ZSWIM5: variants seen among roughly 807,000 people sequenced by gnomAD.
ZSWIM5 encodes zinc finger SWIM domain-containing protein 5.
Under a neutral mutation model 119.6 loss-of-function variants are expected in ZSWIM5, and 55 were observed. The ratio of observed to expected loss-of-function variants is 0.46; its 90% CI spans 0.37 to 0.58. ZSWIM5 has a LOEUF of 0.58. Ranked by LOEUF, ZSWIM5 falls within the 20% of genes least tolerant of loss-of-function variation. The pLI is 0.00. For synonymous variants in ZSWIM5, 537 were observed against 606.9 expected (o/e 0.88, Z 1.69); for missense variants, 1,193 against 1,512.8 (o/e 0.79, Z 3.51).
Position 45,138,762 on chromosome 1 carries a change from A to G in ZSWIM5, c.596-50525T>C, listed in dbSNP as rs1238057847. Among the ~76,000 whole-genome samples, 8 of 152,138 alleles carry G rather than the reference A, an allele frequency of 5.3e-5. No individual in the cohort carries two copies. The East Asian group carries it at 1.5e-3, about 29-fold the overall frequency. On this transcript the variant is annotated intron_variant, in intron 1 of 13. Coordinates refer to ENST00000359600, the MANE Select transcript of ZSWIM5 (RefSeq NM_020883.2). ...GGTAGAGTGAAGGTTCCAACCCACTAATCTCATGAGTGATTCTCCTGGCAA... is the reference window on the plus strand; with the variant it reads ...GGTAGAGTGAAGGTTCCAACCCACTGATCTCATGAGTGATTCTCCTGGCAA...
At chr1:45,044,070 G>C (rs1365350167) in intron 5 of ZSWIM5, among the ~76,000 whole-genome samples, 5 of 151,810 alleles carry the variant, frequency 3.3e-5, no homozygotes, top group African/African-American at 9.7e-5. Flanking sequence ...CATGCCTGTA[G>C]TCCTAGCTAC....
intron 5 of ZSWIM5, among the ~76,000 whole-genome samples, chr1:45,047,420 T>C (rs1326568769): frequency 6.6e-6 from 1 of 152,196 alleles, no homozygotes; most frequent in Non-Finnish European, 1.5e-5. Flanking sequence ...AAATCTGTAC[T>C]ATTCTTTTTA....
At chr1:45,124,203 T>C (rs911099014) in intron 1 of ZSWIM5, among the ~76,000 whole-genome samples, 2 of 152,040 alleles carry the variant, frequency 1.3e-5, no homozygotes, top group Non-Finnish European at 2.9e-5. Context: ...GTAAATTAAA[T>C]AGGTTTTCCT....
chr1:45,182,212 C>T (rs1014799508), intron 1 of ZSWIM5, among the ~76,000 whole-genome samples: 1,685 of 151,988 alleles, frequency 0.011, 24 homozygotes, highest in Middle Eastern at 0.02. Context: ...GTCAGGAGAT[C>T]GAGACCACGG....
chr1:45,152,264 A>G (rs890003191), intron 1 of ZSWIM5, among the ~76,000 whole-genome samples: 1 of 152,316 alleles, frequency 6.6e-6, no homozygotes, highest in Middle Eastern at 3.4e-3. Context: ...AGAACAGAGA[A>G]GAGAAAGTCA....
chr1:45,169,524 C>G (rs571271998), intron 1 of ZSWIM5, among the ~76,000 whole-genome samples: 104 of 152,138 alleles, frequency 6.8e-4, no homozygotes, highest in Middle Eastern at 6.8e-3. Context: ...TTCTAAAGCC[C>G]ATGTAATCAT....
chr1:45,146,300 T>C (rs1645759023), intron 1 of ZSWIM5, among the ~76,000 whole-genome samples: 2 of 151,662 alleles, frequency 1.3e-5, no homozygotes, highest in South Asian at 2.1e-4. Flanking sequence ...TCAGCACTTA[T>C]AACTATTCGT....
At position 45,036,187 on chromosome 1, in the gene ZSWIM5, C is replaced by A; in HGVS notation, c.2007G>T (p.Leu669=). 6.2e-7 allele frequency: 1 copy of A among 1,614,132 alleles called. No homozygotes were observed. Among genetic ancestry groups the A allele is most frequent in the Non-Finnish European group, 8.5e-7 (1 of 1,180,018 alleles). Residue 669 remains leucine, a synonymous_variant, in exon 9 of 14, where the codon CTG becomes CTT. Transcript: ENST00000359600. ...CTTCAGGCATTAACCTCTGTTGACCCAGGCCCATCAGTGCAACTTCCAGGG... is the reference window on the plus strand; with the variant it reads ...CTTCAGGCATTAACCTCTGTTGACCAAGGCCCATCAGTGCAACTTCCAGGG... ...SLALEVALMG[L]GQQRLMPEGL...
chr1:45,204,007 C>T (rs1198507192), intron 1 of ZSWIM5, among the ~76,000 whole-genome samples: 1 of 152,012 alleles, frequency 6.6e-6, no homozygotes. Context: ...GCCTATAACT[C>T]CAGAACCACA....
intron 2 of ZSWIM5, among the ~76,000 whole-genome samples, chr1:45,066,819 T>C (rs1372384524): frequency 6.6e-6 from 1 of 152,188 alleles, no homozygotes; most frequent in African/African-American, 2.4e-5. Context: ...TTGGCTACTA[T>C]AGCAATTTAC....
intron 1 of ZSWIM5, among the ~76,000 whole-genome samples, chr1:45,192,082 A>G (rs1646096079): frequency 6.6e-6 from 1 of 152,206 alleles, no homozygotes; most frequent in Admixed American, 6.5e-5. Flanking sequence ...CCTATTCTGG[A>G]CATTTTGTAT....
In ZSWIM5 at chr1:45,079,700, T is replaced by A. The variant is rs564179764; in HGVS notation, c.952+8181A>T. Among the ~76,000 whole-genome samples, 10 of 152,274 alleles carry A rather than the reference T, an allele frequency of 6.6e-5. No individual in the cohort carries two copies. The South Asian group carries it at 2.1e-3, about 32-fold the overall frequency. ...CTCAAGTGGAAGGCATCTTGCCCCATAGCCACCACAGCTGGGAATGTCCTG... is the reference window on the plus strand; with the variant it reads ...CTCAAGTGGAAGGCATCTTGCCCCAAAGCCACCACAGCTGGGAATGTCCTG... On this transcript the variant is annotated intron_variant, in intron 2 of 13. Coordinates refer to ENST00000359600, the MANE Select transcript of ZSWIM5 (RefSeq NM_020883.2).
chr1:45,203,501 T>A (rs1646170057), intron 1 of ZSWIM5, among the ~76,000 whole-genome samples: 1 of 152,062 alleles, frequency 6.6e-6, no homozygotes, highest in Non-Finnish European at 1.5e-5. Context: ...GTTCTATCGT[T>A]TAGAAACAGT....
At position 45,060,242 on chromosome 1, in the gene ZSWIM5, G is replaced by T; in HGVS notation, c.958C>A (p.Pro320Thr). 6.2e-7 allele frequency: 1 copy of T among 1,613,518 alleles called. No individual in the cohort carries two copies. Among genetic ancestry groups the T allele is most frequent in the South Asian group, 1.1e-5 (1 of 91,008 alleles). The change falls in exon 3 of 14, where the codon CCT (proline) becomes ACT (threonine). Residue 320 changes from proline (P) to threonine (T), a missense_variant. By Grantham distance (38) the Pro-to-Thr change is conservative. Coordinates refer to ENST00000359600, the MANE Select transcript of ZSWIM5 (RefSeq NM_020883.2). ...NSEINQVNGA[P>T]DPTAGASIDD... ...ATGCTGGCCCCAGCTGTGGGGTCAG[G>T]GGCACCTATGAAGAATGAGAACAGT...
At chr1:45,170,613 G>C (rs570800158) in intron 1 of ZSWIM5, among the ~76,000 whole-genome samples, 1 of 150,150 alleles carries the variant, frequency 6.7e-6, no homozygotes, top group East Asian at 2.0e-4. Context: ...TCCTTTTGTA[G>C]AGACAGAGTC....
At chr1:45,079,816 G>A (rs548838797) in intron 2 of ZSWIM5, among the ~76,000 whole-genome samples, 2 of 152,270 alleles carry the variant, frequency 1.3e-5, no homozygotes, top group South Asian at 4.2e-4. Context: ...AGGGCCCCCA[G>A]TGCTCTTCAG....
intron 1 of ZSWIM5, among the ~76,000 whole-genome samples, chr1:45,121,513 C>T (rs1373973787): frequency 3.9e-5 from 6 of 152,076 alleles, no homozygotes; most frequent in Non-Finnish European, 2.9e-5. Context: ...GGGACTTAGA[C>T]TTAATGTGTA....
At chr1:45,150,618 T>C (rs1645791187) in intron 1 of ZSWIM5, among the ~76,000 whole-genome samples, 1 of 152,190 alleles carries the variant, frequency 6.6e-6, no homozygotes, top group Non-Finnish European at 1.5e-5. Context: ...TACCCTTAAC[T>C]CTTTGCAATT....
intron 1 of ZSWIM5, among the ~76,000 whole-genome samples, chr1:45,168,673 A>G (rs1050701771): frequency 6.6e-6 from 1 of 150,602 alleles, no homozygotes; most frequent in East Asian, 1.9e-4. Flanking sequence ...TCAAAAAAAA[A>G]AAAAAAAAAA....
Sources: allele counts gnomAD v4.1 joint callset (sites outside exome capture counted in the v4.1 genomes callset), GRCh38; gene constraint gnomAD v4.1.1; transcripts MANE v1.5; gene names NCBI Gene and HGNC (gene_info 2026-07-23, HGNC 2026-07-21).